DNAAF9: variants seen among roughly 807,000 people sequenced by gnomAD.
DNAAF9 encodes shulin.
A neutral mutation model predicts 167.0 loss-of-function variants in DNAAF9; 90 were observed. The observed-to-expected ratio is 0.54, with a 90% CI of 0.45 to 0.64. The LOEUF is 0.64. Ranked by LOEUF, DNAAF9 falls within the 30% of genes least tolerant of loss-of-function variation. The pLI is 0.00. For synonymous variants in DNAAF9, 491 were observed against 508.8 expected, an observed-to-expected ratio of 0.96 and a Z score of 0.47; for missense variants, 1,315 against 1,442.2, an observed-to-expected ratio of 0.91 and a Z score of 1.43.
chr20:3,254,773 G>A (rs189717489), intron 35 of DNAAF9, among the ~76,000 whole-genome samples: 1 of 152,300 alleles, frequency 6.6e-6, no homozygotes, highest in African/African-American at 2.4e-5. Flanking sequence ...AGAGGCTGGG[G>A]GTCAGAGCCT....
chr20:3,255,403 C>T, intron 34 of DNAAF9, 119 bp from the exon 35 acceptor site: 1 of 665,750 alleles, frequency 1.5e-6, no homozygotes, highest in Non-Finnish European at 2.8e-6. Flanking sequence ...AGCACGTGCG[C>T]TATGGCCTGG....
At chr20:3,310,139 C>A (rs2069375317) in intron 20 of DNAAF9, among the ~76,000 whole-genome samples, 1 of 151,422 alleles carries the variant, frequency 6.6e-6, no homozygotes, top group East Asian at 1.9e-4. Flanking sequence ...TTGCAGTGAG[C>A]CAAGATCGTG....
In DNAAF9 at chr20:3,298,127, A is replaced by AGG. The variant is rs2069115838; in HGVS notation, c.1830_1831insCC (p.Leu611ProfsTer17). On this transcript the variant is annotated frameshift_variant, in exon 22 of 37. Transcript: ENST00000252032. LOFTEE classifies it high-confidence loss of function. ...AAATGAACTGGGAGGTGAGGAAGCA[A>AGG]TGAGCTTTTGAAGTCTATGAGAAGA... 1 of 1,613,538 alleles carries AGG rather than the reference A, an allele frequency of 6.2e-7. No individual in the cohort carries two copies. Among genetic ancestry groups the AGG allele is most frequent in the Non-Finnish European group, 8.5e-7 (1 of 1,179,544 alleles).
At chr20:3,370,449 C>T (rs547477984) in intron 6 of DNAAF9, among the ~76,000 whole-genome samples, 5 of 137,930 alleles carry the variant, frequency 3.6e-5, no homozygotes, top group East Asian at 4.1e-4. Context: ...CTCACACTGT[C>T]GTCCAGCTGG....
At chr20:3,381,078 T>A (rs912658362) in intron 3 of DNAAF9, among the ~76,000 whole-genome samples, 4 of 152,324 alleles carry the variant, frequency 2.6e-5, no homozygotes, top group Admixed American at 6.5e-5. Flanking sequence ...ACCGTTAGCA[T>A]GTAGAGGCAA....
chr20:3,259,361 G>C (rs1253445373), intron 33 of DNAAF9, 119 bp downstream of exon 33: 3 of 765,210 alleles, frequency 3.9e-6, no homozygotes, highest in African/African-American at 1.7e-5. Flanking sequence ...GGTGGGGAAG[G>C]TTTCTGAGAG....
At chr20:3,304,626 G>A in intron 20 of DNAAF9, 83 bp from the exon 21 acceptor site, 2 of 713,610 alleles carry the variant, frequency 2.8e-6, no homozygotes, top group South Asian at 3.1e-5. Context: ...CAGCAGTGTG[G>A]TAACTAGAGG....
At chr20:3,348,456 T>C (rs1327254187) in intron 8 of DNAAF9, 69 bp downstream of exon 8, 1 of 858,160 alleles carries the variant, frequency 1.2e-6, no homozygotes. Context: ...GAAAAAAATT[T>C]AATAAAAAAT....
At position 3,315,119 on chromosome 20, in the gene DNAAF9, C is replaced by T. The variant is rs774863436; in HGVS notation, c.1592G>A (p.Gly531Glu). The change falls in exon 20 of 37, where the codon GGG becomes GAG. Residue 531 changes from glycine (G) to glutamate (E), a missense_variant and splice_region_variant. Gly to Glu is a moderately conservative substitution (Grantham distance 98). Transcript: ENST00000252032. The surrounding 1 kb of genome is among the most constrained non-coding windows in gnomAD (Gnocchi z 4.1). ...ATAAGTGCCCAGGAAAGACTCATCC[C>T]CCTTTAAAAACAACAACAAAAACAA... ...LSEKTQQAVR[G>E]DESFLGTYLT... 7 of 1,591,046 alleles carry T rather than the reference C, an allele frequency of 4.4e-6. No individual in the cohort carries two copies. In the East Asian group the frequency reaches 1.1e-4, roughly 25 times the overall value.
At chr20:3,283,463 C>G (rs902547895) in intron 27 of DNAAF9, among the ~76,000 whole-genome samples, 49 of 152,360 alleles carry the variant, frequency 3.2e-4, no homozygotes, top group African/African-American at 1.1e-3. Context: ...GGGGGCCTGA[C>G]AGCCCTCTGC....
chr20:3,336,258 G>GTTTTTTTTTTTTTTTT (rs367718705), intron 10 of DNAAF9, among the ~76,000 whole-genome samples: 9 of 113,558 alleles, frequency 7.9e-5, no homozygotes, highest in East Asian at 2.7e-4. Context: ...TTGCGTTTTT[G>GTTTTTTTTTTTTTTTT]TTTTTTTTTT....
chr20:3,402,640 T>G (rs1314331480), intron 1 of DNAAF9, among the ~76,000 whole-genome samples: 1 of 152,060 alleles, frequency 6.6e-6, no homozygotes, highest in Non-Finnish European at 1.5e-5. Context: ...TGCAGTGGCA[T>G]GAACGCAGCT....
rs746440934 is a variant in DNAAF9 at position 3,292,291 on chromosome 20, C to T, written c.2238+1848G>A. 1.0e-3 allele frequency among the ~76,000 whole-genome samples: 156 copies of T among 152,150 alleles called. 2 individuals are homozygous for T. The highest frequency in any genetic ancestry group is 3.2e-3 in the Middle Eastern group (1 of 314). Reference sequence around the variant, plus strand: ...CTGGGATTACAGGCATGAGCCATGCCGCCTGGGCGAGCACCTTTTAATAAA... The same window carrying T: ...CTGGGATTACAGGCATGAGCCATGCTGCCTGGGCGAGCACCTTTTAATAAA... On this transcript the variant is annotated intron_variant, in intron 25 of 36. Transcript: ENST00000252032.
chr20:3,354,217 C>T lies in DNAAF9; in HGVS notation c.690+5299G>A, dbSNP rs146946051. On this transcript the variant is annotated intron_variant, in intron 7 of 36. Coordinates refer to ENST00000252032, the MANE Select transcript of DNAAF9 (RefSeq NM_001009984.3). ...AGATACCTAGAACCTGTGTGCTTTC[C>T]GCTAGACATGCTATTCTCCCAACTT... 4.2e-3 allele frequency among the ~76,000 whole-genome samples: 641 copies of T among 152,274 alleles called. 1 individual carries two copies. The highest frequency in any genetic ancestry group is 6.8e-3 in the Middle Eastern group (2 of 294).
intron 23 of DNAAF9, chr20:3,296,431 G>A (rs113788040): frequency 2.5e-5 from 8 of 314,706 alleles, no homozygotes; most frequent in African/African-American, 1.7e-4. Context: ...AGGCTGAAGT[G>A]CAATGGCATG....
intron 7 of DNAAF9, among the ~76,000 whole-genome samples, chr20:3,354,465 A>T (rs2083258846): frequency 6.6e-6 from 1 of 152,248 alleles, no homozygotes; most frequent in Non-Finnish European, 1.5e-5. Flanking sequence ...CATCCAGCAG[A>T]GGCAGCTCTT....
At chr20:3,375,705 C>T (rs1009109761) in intron 4 of DNAAF9, among the ~76,000 whole-genome samples, 15 of 151,988 alleles carry the variant, frequency 9.9e-5, no homozygotes, top group Admixed American at 2.0e-4. Context: ...ACTAAAAATA[C>T]AAAAATTAGC....
At position 3,298,095 on chromosome 20, in the gene DNAAF9, T is replaced by C. The variant is rs1357628339; in HGVS notation, c.1863A>G (p.Gly621=). The change falls in exon 22 of 37, where the codon GGA becomes GGG. Residue 621 remains glycine, a synonymous_variant. Coordinates refer to ENST00000252032, the MANE Select transcript of DNAAF9 (RefSeq NM_001009984.3). ...GGGCAATCATCAGAAAATTGCTTGA[T>C]CCATGGAAATGAACTGGGAGGTGAG... The part of the protein sequence containing the change: ...LLPHLPVHFH[G]SSNFLMIALF... The C allele has an allele frequency of 9.3e-6, 15 of 1,612,778 alleles. No individual in the cohort carries two copies. The highest frequency in any genetic ancestry group is 1.2e-5 in the Non-Finnish European group (14 of 1,178,872).
chr20:3,310,265 A>AG (rs1568596382), intron 20 of DNAAF9, among the ~76,000 whole-genome samples: 35 of 147,832 alleles, frequency 2.4e-4, no homozygotes, highest in African/African-American at 9.0e-4. Context: ...GAGAGAGAGA[A>AG]AGAAAGAGAA....
Sources: gnomAD v4.1 joint callset for allele counts (sites outside exome capture counted in the v4.1 genomes callset) on GRCh38, gnomAD v4.1.1 for gene constraint, Gnocchi (gnomAD v3.1) non-coding constraint, MANE v1.5 for transcripts, NCBI Gene and HGNC (gene_info 2026-07-23, HGNC 2026-07-21) for gene names.